The following MGAT4C variants were observed in gnomAD, a reference collection of about 807,000 sequenced individuals.
MGAT4C encodes the protein MGAT4 family member C.
In MGAT4C, 19 loss-of-function variants were observed where a neutral mutation model predicts 40.1. The observed-to-expected ratio is 0.47, with a 90% CI of 0.33 to 0.70. The LOEUF (loss-of-function observed/expected upper bound fraction) is 0.70, where lower values mean the gene tolerates loss of function less well. MGAT4C is among the 30% of genes least tolerant of loss of function. The pLI is 0.02. For missense variants in MGAT4C, 491 were observed against 563.2 expected (o/e 0.87, Z 1.30); for synonymous variants, 181 against 187.1 (o/e 0.97, Z 0.27).
chr12:86,128,864 A>C (rs548344763), intron 1 of MGAT4C, among the ~76,000 whole-genome samples: 1 of 152,246 alleles, frequency 6.6e-6, no homozygotes, highest in Non-Finnish European at 1.5e-5. Context: ...GTGAGAGATG[A>C]GGAACCAGTT....
intron 1 of MGAT4C, among the ~76,000 whole-genome samples, chr12:86,810,747 A>G (rs1005553234): frequency 1.3e-5 from 2 of 151,620 alleles, no homozygotes; most frequent in Non-Finnish European, 2.9e-5. Context: ...GAGATTCCTT[A>G]TATATCAACT....
At chr12:86,289,621 C>T (rs1953451811) in intron 4 of MGAT4C, among the ~76,000 whole-genome samples, 1 of 152,050 alleles carries the variant, frequency 6.6e-6, no homozygotes, top group South Asian at 2.1e-4. Context: ...GATCATTCAC[C>T]TCCCTGGCTA....
At chr12:86,231,798 C>T (rs1401357460) in intron 1 of MGAT4C, among the ~76,000 whole-genome samples, 1 of 151,704 alleles carries the variant, frequency 6.6e-6, no homozygotes, top group African/African-American at 2.4e-5. Flanking sequence ...TATTTAATAC[C>T]AAGTAACAGC....
intron 2 of MGAT4C, among the ~76,000 whole-genome samples, chr12:86,040,761 G>C (rs546618945): frequency 6.6e-6 from 1 of 152,074 alleles, no homozygotes; most frequent in Non-Finnish European, 1.5e-5. Flanking sequence ...CCTGCAGCTA[G>C]CTCAGTGTCC....
intron 2 of MGAT4C, among the ~76,000 whole-genome samples, chr12:86,505,486 C>G (rs1177715605): frequency 6.6e-6 from 1 of 152,294 alleles, no homozygotes; most frequent in African/African-American, 2.4e-5. Context: ...AAACCAGAGT[C>G]AGCACAAATG....
intron 4 of MGAT4C, among the ~76,000 whole-genome samples, chr12:86,289,329 G>T (rs1953442628): frequency 7.2e-5 from 11 of 152,100 alleles, no homozygotes; most frequent in Admixed American, 7.2e-4. Context: ...ATAGTTTGAA[G>T]TTGGGTAATT....
chr12:86,783,416 C>T (rs1018752818), intron 1 of MGAT4C, among the ~76,000 whole-genome samples: 1 of 151,842 alleles, frequency 6.6e-6, no homozygotes, highest in African/African-American at 2.4e-5. Context: ...AAGATCAGAA[C>T]AGGAGGACAG....
rs117088223 is a variant in MGAT4C at position 86,753,313 on chromosome 12, C to G, written c.-261-26072G>C. 1.6e-4 allele frequency among the ~76,000 whole-genome samples: 24 copies of G among 152,300 alleles called. No individual in the cohort carries two copies. The East Asian group carries it at 4.5e-3, about 28-fold the overall frequency. On this transcript the variant is annotated intron_variant, in intron 1 of 7. Coordinates refer to the MGAT4C transcript ENST00000548651. Reference sequence around the variant, plus strand: ...AGCTACAAAGAAAAGCCTGAGCAATCTCTGTCTTAAGGGTGTGTTCTTGCT... The same window carrying G: ...AGCTACAAAGAAAAGCCTGAGCAATGTCTGTCTTAAGGGTGTGTTCTTGCT...
At chr12:86,779,904 C>T (rs1202199499) in intron 1 of MGAT4C, among the ~76,000 whole-genome samples, 1 of 151,512 alleles carries the variant, frequency 6.6e-6, no homozygotes, top group Non-Finnish European at 1.5e-5. Context: ...CAGTGTGAGA[C>T]TTTGTCTCAA....
chr12:85,987,116 A>ATTTTTTTTTT (rs869139864), intron 3 of MGAT4C, among the ~76,000 whole-genome samples: 1 of 73,830 alleles, frequency 1.4e-5, no homozygotes, highest in African/African-American at 5.7e-5. Flanking sequence ...TAAAATAATA[A>ATTTTTTTTTT]TTTTTTTTTT....
chr12:86,718,822 A>T (rs2136641512), intron 2 of MGAT4C, among the ~76,000 whole-genome samples: 1 of 152,238 alleles, frequency 6.6e-6, no homozygotes, highest in East Asian at 1.9e-4. Flanking sequence ...TGTTTATCTG[A>T]GGTGGGTCAG....
chr12:86,175,717 C>G (rs1316838386), intron 1 of MGAT4C, among the ~76,000 whole-genome samples: 2 of 146,182 alleles, frequency 1.4e-5, no homozygotes, highest in Non-Finnish European at 3.0e-5. Context: ...TTTGGGAGGC[C>G]GAGGCGGGCG....
intron 1 of MGAT4C, among the ~76,000 whole-genome samples, chr12:86,117,805 C>T (rs1436990856): frequency 6.6e-6 from 1 of 152,052 alleles, no homozygotes; most frequent in Non-Finnish European, 1.5e-5. Context: ...ACTAATTCAT[C>T]CAACAGAGAT....
chr12:86,472,936 A>C (rs766682363), intron 2 of MGAT4C, among the ~76,000 whole-genome samples: 3 of 152,020 alleles, frequency 2.0e-5, no homozygotes, highest in Admixed American at 6.6e-5. Context: ...AGGGAGGAAG[A>C]AGCTAGATAT....
intron 4 of MGAT4C, among the ~76,000 whole-genome samples, chr12:86,298,493 A>G (rs1482854642): frequency 6.6e-6 from 1 of 152,134 alleles, no homozygotes; most frequent in African/African-American, 2.4e-5. Context: ...TTCTATTTCT[A>G]GAATTCTGTC....
At chr12:86,309,687 A>G (rs1198364292) in intron 4 of MGAT4C, among the ~76,000 whole-genome samples, 1 of 152,250 alleles carries the variant, frequency 6.6e-6, no homozygotes, top group Non-Finnish European at 1.5e-5. Context: ...ACAGGTTAGT[A>G]AAAGCAAAAT....
At chr12:86,015,663 G>A (rs1451810127) in intron 2 of MGAT4C, 1 of 152,206 alleles carries the variant, frequency 6.6e-6, no homozygotes, top group African/African-American at 2.4e-5. Context: ...GCTTCATGTA[G>A]AGAGTTTCAA....
intron 1 of MGAT4C, among the ~76,000 whole-genome samples, chr12:86,187,394 A>G (rs1209164514): frequency 2.6e-5 from 4 of 152,106 alleles, no homozygotes; most frequent in Non-Finnish European, 5.9e-5. Context: ...ATGAACTTAT[A>G]CAATAATGTA....
chr12:86,314,759 C>G (rs113970066), intron 4 of MGAT4C, among the ~76,000 whole-genome samples: 35 of 152,282 alleles, frequency 2.3e-4, no homozygotes, highest in African/African-American at 8.4e-4. Flanking sequence ...TAACCCCTAA[C>G]ATTAAAATAC....
Sources: gnomAD v4.1 joint callset for allele counts (sites outside exome capture counted in the v4.1 genomes callset) on GRCh38, gnomAD v4.1.1 for gene constraint, MANE v1.5 for transcripts, NCBI Gene and HGNC (gene_info 2026-07-23, HGNC 2026-07-21) for gene names.